Variants in SNX4 observed in about 807,000 individuals in gnomAD.
The protein encoded by SNX4 is sorting nexin 4, also known as sorting nexin-4.
In SNX4, 49 loss-of-function variants were observed where a neutral mutation model predicts 70.8. The observed-to-expected ratio is 0.69, with a 90% CI of 0.55 to 0.88. SNX4 has a LOEUF of 0.88. Among genes scored for constraint, SNX4 ranks in the 40% least tolerant of loss-of-function variants. The probability of loss-of-function intolerance (pLI) is 0.00; values close to 1 mark genes in which losing one functional copy is unlikely to be tolerated. For synonymous variants in SNX4, 206 were observed against 183.8 expected, an observed-to-expected ratio of 1.12 and a Z score of -0.98; for missense variants, 528 against 544.8, an observed-to-expected ratio of 0.97 and a Z score of 0.31.
At chr3:125,481,861 T>C (rs1364633334) in intron 6 of SNX4, among the ~76,000 whole-genome samples, 1 of 152,160 alleles carries the variant, frequency 6.6e-6, no homozygotes. Flanking sequence ...CACATGCTGG[T>C]AGTCCTCAGG....
At chr3:125,465,695 T>C (rs1441612096) in intron 9 of SNX4, among the ~76,000 whole-genome samples, 1 of 152,088 alleles carries the variant, frequency 6.6e-6, no homozygotes, top group African/African-American at 2.4e-5. Context: ...TAGGCTGGAG[T>C]GCAGTGGTGT....
At chr3:125,504,871 T>TCAAG (rs1935013418) in intron 1 of SNX4, 127 bp from the exon 2 acceptor site, 1 of 1,086,612 alleles carries the variant, frequency 9.2e-7, no homozygotes. Flanking sequence ...CTTATAGTTC[T>TCAAG]TGAGTTGCCA....
chr3:125,498,002 C>A lies in SNX4; in HGVS notation c.400-19G>T. On this transcript the variant is annotated intron_variant, in intron 3 of 13. Transcript: ENST00000251775. ...ATTCTGCCTAGGTAAACAAAATAAT[C>A]ATTAAGAATAGTCTCAATGCTGAAT... The A allele has an allele frequency of 1.2e-6, 2 of 1,613,980 alleles. No individual in the cohort carries two copies.
At chr3:125,459,152 C>A (rs753544282) in intron 10 of SNX4, among the ~76,000 whole-genome samples, 1 of 151,996 alleles carries the variant, frequency 6.6e-6, no homozygotes, top group East Asian at 1.9e-4. Context: ...CCAGTCTGGG[C>A]AACAGAGTGA....
chr3:125,455,643 C>T (rs1933692638), intron 11 of SNX4, among the ~76,000 whole-genome samples: 1 of 152,174 alleles, frequency 6.6e-6, no homozygotes. Flanking sequence ...GTCCTGGTCA[C>T]AAGTCTTTCC....
intron 9 of SNX4, among the ~76,000 whole-genome samples, chr3:125,466,036 G>A (rs75134606): frequency 0.038 from 5,767 of 152,088 alleles, 250 homozygotes; most frequent in African/African-American, 0.092. Flanking sequence ...ATTTATTTAG[G>A]TTTTAATTTC....
chr3:125,454,611 T>C (rs1175727350), intron 11 of SNX4, among the ~76,000 whole-genome samples: 2 of 152,188 alleles, frequency 1.3e-5, no homozygotes, highest in East Asian at 3.8e-4. Flanking sequence ...GACTTAAGCA[T>C]CTGAGGATTT....
chr3:125,486,494 C>T (rs762405519), intron 6 of SNX4, among the ~76,000 whole-genome samples: 27 of 151,840 alleles, frequency 1.8e-4, no homozygotes, highest in Admixed American at 4.6e-4. Flanking sequence ...GGCGTGGTGG[C>T]GGGTGCCTAT....
chr3:125,502,677 T>C (rs1934955321), intron 2 of SNX4, among the ~76,000 whole-genome samples: 2 of 151,834 alleles, frequency 1.3e-5, no homozygotes, highest in African/African-American at 4.8e-5. Flanking sequence ...GAGACCAGTC[T>C]GGCCAACATG....
At chr3:125,457,513 C>A in intron 10 of SNX4, 148 bp from the exon 11 acceptor site, 58 of 472,356 alleles carry the variant, frequency 1.2e-4, no homozygotes, top group Non-Finnish European at 1.7e-4. Flanking sequence ...AGTAGCCCAA[C>A]ATTAAAAATG....
chr3:125,480,286 T>C lies in SNX4; in HGVS notation c.687A>G (p.Glu229=), dbSNP rs770371278. The part of the protein sequence containing the change: ...RFTDLKHYSD[E]LQSVISHLLR... ...GAAGATGTGAGATGACAGACTGCAG[T>C]TCATCACTATAGTGCTTAAGGTCAG... Residue 229 remains glutamate (E), a synonymous_variant, in exon 7 of 14, where the codon GAA becomes GAG. Transcript: ENST00000251775. The C allele has an allele frequency of 6.3e-7, 1 of 1,575,520 alleles. No homozygotes were observed. The highest frequency in any genetic ancestry group is 8.6e-7 in the Non-Finnish European group (1 of 1,158,692).
chr3:125,508,852 GAC>G (rs1389353106), intron 1 of SNX4, among the ~76,000 whole-genome samples: 1 of 151,876 alleles, frequency 6.6e-6, no homozygotes, highest in Non-Finnish European at 1.5e-5. Context: ...ACCTAACACC[GAC>G]ACAAAAACTA....
chr3:125,455,668 G>C (rs2107841410), intron 11 of SNX4, among the ~76,000 whole-genome samples: 1 of 152,130 alleles, frequency 6.6e-6, no homozygotes, highest in East Asian at 1.9e-4. Flanking sequence ...ATATATCTGT[G>C]ACTTTTCACA....
intron 6 of SNX4, among the ~76,000 whole-genome samples, chr3:125,487,149 A>T (rs1192833969): frequency 6.6e-6 from 1 of 152,050 alleles, no homozygotes; most frequent in Non-Finnish European, 1.5e-5. Context: ...AATATATTTT[A>T]ATAATATAAA....
intron 1 of SNX4, among the ~76,000 whole-genome samples, chr3:125,519,629 C>G (rs901291354): frequency 1.3e-5 from 2 of 152,158 alleles, no homozygotes; most frequent in Admixed American, 6.5e-5. Flanking sequence ...AGCAAAACCC[C>G]TTAGCAACTG....
Position 125,456,042 on chromosome 3 carries a change from T to G in SNX4, c.1044+1224A>C, listed in dbSNP as rs937182893. On this transcript the variant is annotated intron_variant, in intron 11 of 13. Transcript: ENST00000251775. ...AACAAACAAAAACTACAGTGCTTAT[T>G]AACTAAGTAGAGACATTGCTGCTGG... Among the ~76,000 whole-genome samples, 52 of 152,096 alleles carry G rather than the reference T, an allele frequency of 3.4e-4. 1 individual carries two copies. The highest frequency in any genetic ancestry group is 1.2e-3 in the African/African-American group (50 of 41,428).
At chr3:125,470,939 T>C (rs1054337485) in intron 8 of SNX4, among the ~76,000 whole-genome samples, 1 of 151,630 alleles carries the variant, frequency 6.6e-6, no homozygotes, top group Admixed American at 6.6e-5. Context: ...CATGGTTTAC[T>C]CAGTCAGGCA....
chr3:125,507,506 C>T (rs1441590726), intron 1 of SNX4, among the ~76,000 whole-genome samples: 2 of 152,118 alleles, frequency 1.3e-5, no homozygotes, highest in Non-Finnish European at 2.9e-5. Context: ...TTGAAAATTT[C>T]ACAAATATGA....
rs1934693378 is a variant in SNX4 at position 125,492,820 on chromosome 3, T to C, written c.598-3357A>G. Among the ~76,000 whole-genome samples the C allele has an allele frequency of 3.3e-5, 5 of 152,158 alleles. No individual in the cohort carries two copies. The South Asian group carries it at 8.3e-4, about 25-fold the overall frequency. On this transcript the variant is annotated intron_variant, in intron 5 of 13. Transcript: ENST00000251775. ...GCATTTGGAATCTCCACATTGGATC[T>C]CTCAGAGTTCCTGTGCAATAACAAG...
Sources: gnomAD v4.1 joint callset for allele counts (sites outside exome capture counted in the v4.1 genomes callset) on GRCh38, gnomAD v4.1.1 for gene constraint, MANE v1.5 for transcripts, NCBI Gene and HGNC (gene_info 2026-07-23, HGNC 2026-07-21) for gene names.